The following LRMDA variants were observed in gnomAD, a reference collection of about 807,000 sequenced individuals.
The protein encoded by LRMDA is leucine rich melanocyte differentiation associated.
In LRMDA, 18 loss-of-function variants were observed where a neutral mutation model predicts 29.8. The ratio of observed to expected loss-of-function variants is 0.60; its 90% confidence interval spans 0.42 to 0.90. The LOEUF (loss-of-function observed/expected upper bound fraction) is 0.90, where lower values mean the gene tolerates loss of function less well. Ranked by LOEUF, LRMDA falls within the 40% of genes least tolerant of loss-of-function variation. The pLI is 0.00. For missense variants in LRMDA, 273 were observed against 273.9 expected (o/e 1.00, Z 0.02); for synonymous variants, 125 against 109.4 (o/e 1.14, Z -0.89).
At chr10:75,594,192 G>T (rs1840757801) in intron 2 of LRMDA, among the ~76,000 whole-genome samples, 1 of 152,214 alleles carries the variant, frequency 6.6e-6, no homozygotes, top group African/African-American at 2.4e-5. Flanking sequence ...CACTGAGAGA[G>T]CTCAGCAGGG....
At position 76,259,454 on chromosome 10, in the gene LRMDA, A is replaced by G. The variant is rs572239272; in HGVS notation, c.517-64947A>G. On this transcript the variant is annotated intron_variant, in intron 5 of 6. Coordinates refer to ENST00000611255, the MANE Select transcript of LRMDA (RefSeq NM_001305581.2). ...ATGCTTGATATAATTTTGACTTATC[A>G]AAATTTGTTGAGACTTGTTTTGTGG... 2.9e-4 allele frequency among the ~76,000 whole-genome samples: 44 copies of G among 152,194 alleles called. 1 individual carries two copies. In the South Asian group the frequency reaches 3.5e-3, roughly 12 times the overall value.
intron 2 of LRMDA, among the ~76,000 whole-genome samples, chr10:75,929,302 T>TGTGTGTGTGTGC (rs2132398569): frequency 6.6e-6 from 1 of 152,216 alleles, no homozygotes; most frequent in East Asian, 1.9e-4. Context: ...TCTATGTGTG[T>TGTGTGTGTGTGC]GTGTGTGTGT....
At chr10:75,755,817 C>T (rs1239228801) in intron 2 of LRMDA, among the ~76,000 whole-genome samples, 2 of 152,332 alleles carry the variant, frequency 1.3e-5, no homozygotes, top group South Asian at 2.1e-4. Context: ...ATGGGGTCAG[C>T]GACGTGCCTG....
At chr10:76,055,836 C>T (rs543326521) in intron 4 of LRMDA, among the ~76,000 whole-genome samples, 1 of 152,230 alleles carries the variant, frequency 6.6e-6, no homozygotes, top group African/African-American at 2.4e-5. Context: ...CCAGGAACCA[C>T]AGAGCCCCAA....
At chr10:75,973,595 T>G (rs1036746020) in intron 2 of LRMDA, among the ~76,000 whole-genome samples, 6 of 152,144 alleles carry the variant, frequency 3.9e-5, no homozygotes, top group Admixed American at 6.5e-5. Context: ...ATTTTTTGTA[T>G]TTTTAATAGA....
chr10:75,835,747 A>G (rs894382444), intron 2 of LRMDA, among the ~76,000 whole-genome samples: 3 of 152,222 alleles, frequency 2.0e-5, no homozygotes, highest in Non-Finnish European at 4.4e-5. Context: ...AGTGATGGCT[A>G]AGGCCCTTCA....
At chr10:75,903,670 C>T (rs932542051) in intron 2 of LRMDA, among the ~76,000 whole-genome samples, 4 of 152,172 alleles carry the variant, frequency 2.6e-5, no homozygotes, top group Non-Finnish European at 4.4e-5. Flanking sequence ...GGACTCAGTG[C>T]GATCACTAGG....
rs370871097 is a variant in LRMDA at position 75,688,589 on chromosome 10, AAC to A, written c.131+250097_131+250098del. 7.1e-4 allele frequency among the ~76,000 whole-genome samples: 108 copies of A among 152,356 alleles called. No homozygotes were observed. The East Asian group carries it at 0.02, about 28-fold the overall frequency. On this transcript the variant is annotated intron_variant, in intron 2 of 6. Coordinates refer to ENST00000611255, the MANE Select transcript of LRMDA (RefSeq NM_001305581.2). ...ATGCTGTGAACATTGTTGAAATGAC[AAC>A]AAAGGATTTAGAACAAACTTAGTTG...
intron 5 of LRMDA, among the ~76,000 whole-genome samples, chr10:76,104,301 T>A (rs1219599795): frequency 6.6e-6 from 1 of 152,124 alleles, no homozygotes; most frequent in Non-Finnish European, 1.5e-5. Context: ...CAGACCTATG[T>A]TTTACTCTTC....
chr10:76,068,629 G>T (rs1848825637), intron 5 of LRMDA, among the ~76,000 whole-genome samples: 1 of 152,218 alleles, frequency 6.6e-6, no homozygotes, highest in African/African-American at 2.4e-5. Context: ...CTCACCTCCT[G>T]CTGTGTGGCC....
chr10:76,309,631 A>G (rs1204219170), intron 5 of LRMDA, among the ~76,000 whole-genome samples: 3 of 152,170 alleles, frequency 2.0e-5, no homozygotes, highest in African/African-American at 7.2e-5. Context: ...TTTTGCCCAG[A>G]TTTCACAGAC....
chr10:76,035,676 G>A (rs1848229333), intron 2 of LRMDA, among the ~76,000 whole-genome samples: 1 of 152,196 alleles, frequency 6.6e-6, no homozygotes, highest in Non-Finnish European at 1.5e-5. Flanking sequence ...AGGGTCAGCC[G>A]AGGCTGGGTG....
At chr10:75,542,087 TGAG>T (rs776839297) in intron 2 of LRMDA, among the ~76,000 whole-genome samples, 1 of 152,106 alleles carries the variant, frequency 6.6e-6, no homozygotes, top group Non-Finnish European at 1.5e-5. Flanking sequence ...AACTAGTGAA[TGAG>T]GGTGGAGGGT....
At chr10:75,905,644 G>A (rs1331607465) in intron 2 of LRMDA, among the ~76,000 whole-genome samples, 2 of 152,164 alleles carry the variant, frequency 1.3e-5, no homozygotes, top group East Asian at 3.9e-4. Flanking sequence ...CTAATTTCTA[G>A]AGATTTGGGG....
chr10:76,227,247 A>G (rs1407994572), intron 5 of LRMDA, among the ~76,000 whole-genome samples: 1 of 152,248 alleles, frequency 6.6e-6, no homozygotes, highest in Non-Finnish European at 1.5e-5. Flanking sequence ...CTACCCAATA[A>G]GTAATATCAG....
intron 5 of LRMDA, among the ~76,000 whole-genome samples, chr10:76,163,187 A>G (rs980975325): frequency 1.3e-5 from 2 of 152,170 alleles, no homozygotes; most frequent in African/African-American, 4.8e-5. Flanking sequence ...TGTGTGACCC[A>G]CTTGGGGTTT....
intron 6 of LRMDA, among the ~76,000 whole-genome samples, chr10:76,440,234 T>C (rs1842287540): frequency 6.6e-6 from 1 of 152,250 alleles, no homozygotes; most frequent in Admixed American, 6.5e-5. Context: ...GCAAAGCTCA[T>C]TGGCCATGTA....
intron 4 of LRMDA, among the ~76,000 whole-genome samples, chr10:76,058,403 G>A (rs1417959055): frequency 6.6e-6 from 1 of 152,024 alleles, no homozygotes; most frequent in East Asian, 1.9e-4. Flanking sequence ...TAACCCACGT[G>A]TGTGTGTGTG....
intron 6 of LRMDA, among the ~76,000 whole-genome samples, chr10:76,393,015 G>A (rs2132486124): frequency 6.6e-6 from 1 of 152,198 alleles, no homozygotes; most frequent in African/African-American, 2.4e-5. Flanking sequence ...ATGACAAGAT[G>A]TCCTTTATTA....
Sources: gnomAD v4.1 joint callset for allele counts (sites outside exome capture counted in the v4.1 genomes callset) on GRCh38, gnomAD v4.1.1 for gene constraint, MANE v1.5 for transcripts, NCBI Gene and HGNC (gene_info 2026-07-23, HGNC 2026-07-21) for gene names.